The following TNKS2 variants were observed in gnomAD, a reference collection of about 807,000 sequenced individuals.
TNKS2 encodes the protein poly [ADP-ribose] polymerase tankyrase-2.
TNKS2 carries 72 observed loss-of-function variants against 137.6 expected under a neutral mutation model. That is an observed-to-expected ratio of 0.52 (90% confidence interval 0.43 to 0.64). TNKS2 has a LOEUF of 0.64. Ranked by LOEUF, TNKS2 falls within the 30% of genes least tolerant of loss-of-function variation. TNKS2 has a pLI of 0.00. For missense variants in TNKS2, 1,049 were observed against 1,410.2 expected, an observed-to-expected ratio of 0.74 and a Z score of 4.10; for synonymous variants, 516 against 512.1, an observed-to-expected ratio of 1.01 and a Z score of -0.10.
At chr10:91,809,784 G>A (rs955976011) in intron 1 of TNKS2, among the ~76,000 whole-genome samples, 4 of 151,522 alleles carry the variant, frequency 2.6e-5, no homozygotes, top group African/African-American at 7.3e-5. Flanking sequence ...ATTTATTCAC[G>A]CAATTGCCAA....
chr10:91,847,356 T>A (rs184566189), intron 18 of TNKS2, among the ~76,000 whole-genome samples: 131 of 152,222 alleles, frequency 8.6e-4, no homozygotes, highest in South Asian at 2.1e-3. Flanking sequence ...AGATTTTTTT[T>A]AATTTTTATT....
intron 4 of TNKS2, 46 bp from the exon 5 acceptor site, chr10:91,819,436 C>A: frequency 1.3e-6 from 2 of 1,482,116 alleles, no homozygotes; most frequent in East Asian, 4.8e-5. Flanking sequence ...TCTTGAGGAA[C>A]ATCTGATGAA....
intron 12 of TNKS2, 24 bp downstream of exon 12, chr10:91,834,048 G>A (rs1171400527): frequency 6.7e-7 from 1 of 1,490,912 alleles, no homozygotes; most frequent in Non-Finnish European, 9.0e-7. Flanking sequence ...CAATGAAATT[G>A]ATTTTTTTAA....
At chr10:91,850,164 A>G (rs1458622851) in intron 20 of TNKS2, among the ~76,000 whole-genome samples, 3 of 151,762 alleles carry the variant, frequency 2.0e-5, no homozygotes, top group African/African-American at 7.3e-5. Context: ...TCAGGAGTTC[A>G]AGACCAGCCT....
chr10:91,855,539 C>T, intron 22 of TNKS2, 75 bp from the exon 23 acceptor site: 1 of 1,175,864 alleles, frequency 8.5e-7, no homozygotes, highest in African/African-American at 1.6e-5. Flanking sequence ...TCAGACGAGT[C>T]AAGAACCATG....
In TNKS2 at chr10:91,849,521, T is replaced by G. The variant is rs1187794128; in HGVS notation, c.2621T>G (p.Val874Gly). The change falls in exon 20 of 27, where the codon GTA becomes GGA. Residue 874 changes from valine to glycine, a missense_variant. Around this residue, in one of 6 missense-constraint regions of TNKS2, gnomAD observed 208 missense variants for 231.2 expected, o/e 0.90. Transcript: ENST00000371627. ...SSLEKKEVPG[V>G]DFSITQFVRN... ...TTTTTTTATTTCCCAGTTCCAGGAG[T>G]AGATTTTAGCATAACTCAATTCGTA... is the stretch of plus-strand genomic sequence containing the variant. 1.2e-6 allele frequency: 2 copies of G among 1,609,388 alleles called. No individual in the cohort carries two copies. Among genetic ancestry groups the G allele is most frequent in the Non-Finnish European group, 1.7e-6 (2 of 1,178,684 alleles).
intron 1 of TNKS2, chr10:91,807,560 C>T (rs1005768397): frequency 1.6e-5 from 14 of 882,898 alleles, no homozygotes; most frequent in Non-Finnish European, 2.6e-5. Context: ...CTTAGCTTTA[C>T]TTCTCAGACT....
chr10:91,798,496 CG>C lies in TNKS2; in HGVS notation c.-189del, dbSNP rs1366836084. ...GCTGCCTCCGCCGCCGCGGGGCAGCCGGGGGGCAGGGAGCCCAGCGAGGGGC... is the reference window on the plus strand; with the variant it reads ...GCTGCCTCCGCCGCCGCGGGGCAGCCGGGGGCAGGGAGCCCAGCGAGGGGC... On this transcript the variant is annotated 5_prime_UTR_variant, in exon 1 of 27. Coordinates refer to ENST00000371627, the MANE Select transcript of TNKS2 (RefSeq NM_025235.4). 7.6e-6 allele frequency: 4 copies of C among 523,616 alleles called. No individual in the cohort carries two copies. Among genetic ancestry groups the C allele is most frequent in the African/African-American group, 4.0e-5 (2 of 49,808 alleles). 32.4% of individuals were successfully genotyped at this position (523,616 alleles called of 1,614,324 possible).
chr10:91,864,109 A>T lies in TNKS2; in HGVS notation c.*1110A>T, dbSNP rs1589702380. On this transcript the variant is annotated 3_prime_UTR_variant, in exon 27 of 27. Transcript: ENST00000371627. ...TATACATCATGGGTAAACTTAACCC[A>T]GAACTATAAAATGTAGTTGTCTCAG... is the stretch of plus-strand genomic sequence containing the variant. 1.3e-5 allele frequency: 2 copies of T among 152,400 alleles called. No individual in the cohort carries two copies. Among genetic ancestry groups the T allele is most frequent in the East Asian group, 3.9e-4 (2 of 5,194 alleles). 9.4% of individuals were successfully genotyped at this position (152,400 alleles called of 1,614,324 possible).
At chr10:91,829,569 AT>A (rs921984006) in intron 9 of TNKS2, among the ~76,000 whole-genome samples, 2 of 152,308 alleles carry the variant, frequency 1.3e-5, no homozygotes, top group African/African-American at 4.8e-5. Flanking sequence ...GGTGGATGTG[AT>A]TTTTAAAAAA....
intron 1 of TNKS2, among the ~76,000 whole-genome samples, chr10:91,805,247 A>G (rs954831639): frequency 1.3e-5 from 2 of 152,130 alleles, no homozygotes; most frequent in Non-Finnish European, 2.9e-5. Context: ...ATTCACTCAC[A>G]TATTGTAGTC....
At chr10:91,820,160 C>A in intron 6 of TNKS2, 127 bp downstream of exon 6, 2 of 563,404 alleles carry the variant, frequency 3.5e-6, no homozygotes, top group Non-Finnish European at 5.6e-6. Context: ...TTACAATGTA[C>A]AGGTTGCTCT....
At chr10:91,817,070 G>T (rs1844726494) in intron 2 of TNKS2, 64 bp from the exon 3 acceptor site, 2 of 1,166,134 alleles carry the variant, frequency 1.7e-6, no homozygotes, top group Non-Finnish European at 2.5e-6. Context: ...TTGAGAAAAT[G>T]ATTTACTAAA....
intron 1 of TNKS2, among the ~76,000 whole-genome samples, chr10:91,802,080 G>A (rs1184476983): frequency 6.6e-6 from 1 of 152,164 alleles, no homozygotes; most frequent in African/African-American, 2.4e-5. Context: ...TAGAGTCCTA[G>A]CTAAACAAGG....
rs752395426 is a variant in TNKS2, at chr10:91,854,988, A to T, written c.2816-41A>T. The T allele has an allele frequency of 1.2e-5, 13 of 1,108,478 alleles. No individual in the cohort carries two copies. The African/African-American group carries it at 1.9e-4, about 16-fold the overall frequency. 68.7% of individuals were successfully genotyped at this position (1,108,478 alleles called of 1,614,324 possible). Reference sequence around the variant, plus strand: ...TTTTTGGTTTTGATGTTCATTGTTTATTGGCAATTTATTTTTCTACCTTCA... The same window carrying T: ...TTTTTGGTTTTGATGTTCATTGTTTTTTGGCAATTTATTTTTCTACCTTCA... On this transcript the variant is annotated intron_variant, in intron 21 of 26. Transcript: ENST00000371627.
intron 4 of TNKS2, 29 bp downstream of exon 4, chr10:91,819,335 A>G (rs756167352): frequency 6.2e-6 from 9 of 1,448,018 alleles, no homozygotes; most frequent in East Asian, 2.5e-5. Flanking sequence ...AATATGTGAC[A>G]GGAATACTTC....
rs536968044 is a variant in TNKS2, at chr10:91,857,548, C to T, written c.3094+18C>T. 3.3e-6 allele frequency: 5 copies of T among 1,536,110 alleles called. No homozygotes were observed. In the African/African-American group the frequency reaches 4.1e-5, roughly 13 times the overall value. On this transcript the variant is annotated intron_variant, in intron 24 of 26. Transcript: ENST00000371627. Reference sequence around the variant, plus strand: ...ATTTCATGGTAAGATTCCTCCCCACCAACTCTACCACTGTCTTCCACATTA... The same window carrying T: ...ATTTCATGGTAAGATTCCTCCCCACTAACTCTACCACTGTCTTCCACATTA...
chr10:91,824,280 A>G (rs937059503), intron 7 of TNKS2, among the ~76,000 whole-genome samples: 5 of 152,222 alleles, frequency 3.3e-5, no homozygotes, highest in African/African-American at 1.2e-4. Flanking sequence ...TTTGGCTACC[A>G]GAAGCTGGCA....
chr10:91,839,453 C>T (rs1452287184), intron 13 of TNKS2, among the ~76,000 whole-genome samples: 1 of 151,944 alleles, frequency 6.6e-6, no homozygotes, highest in Non-Finnish European at 1.5e-5. Flanking sequence ...AGCGATTCTC[C>T]TGCTTGACCC....
Sources: gnomAD v4.1 joint callset for allele counts (sites outside exome capture counted in the v4.1 genomes callset) on GRCh38, gnomAD v4.1.1 for gene constraint, gnomAD v4.1.1 regional missense constraint, MANE v1.5 for transcripts, NCBI Gene and HGNC (gene_info 2026-07-23, HGNC 2026-07-21) for gene names.